The following WWOX variants were observed in gnomAD, a reference collection of about 807,000 sequenced individuals.
WWOX encodes the protein WW domain-containing oxidoreductase.
In WWOX, 69 loss-of-function variants were observed where a neutral mutation model predicts 46.2. The ratio of observed to expected loss-of-function variants is 1.49; its 90% CI spans 1.23 to 1.82. WWOX has a LOEUF of 1.82. Ranked by LOEUF, WWOX falls within the 40% of genes most tolerant of loss-of-function variation. The pLI, the probability that WWOX is intolerant of heterozygous loss-of-function variation, is 0.00. For missense variants in WWOX, 919 were observed against 542.6 expected, an observed-to-expected ratio of 1.69 and a Z score of -6.89; for synonymous variants, 359 against 202.6, an observed-to-expected ratio of 1.77 and a Z score of -6.56.
At chr16:78,241,457 T>G (rs550793724) in intron 5 of WWOX, among the ~76,000 whole-genome samples, 201 of 152,152 alleles carry the variant, frequency 1.3e-3, no homozygotes, top group Non-Finnish European at 1.9e-3. Flanking sequence ...AGAGGGAGTT[T>G]TACTCTTGTC....
intron 8 of WWOX, among the ~76,000 whole-genome samples, chr16:78,943,525 T>C (rs2045892891): frequency 6.6e-6 from 1 of 152,176 alleles, no homozygotes. Flanking sequence ...GTTATCGAGC[T>C]TTATCAGAGC....
intron 8 of WWOX, among the ~76,000 whole-genome samples, chr16:79,122,199 C>T (rs1010071034): frequency 5.3e-5 from 8 of 152,028 alleles, no homozygotes; most frequent in African/African-American, 1.9e-4. Context: ...GAAGTTGTAC[C>T]GCCTCTGGGC....
At chr16:78,732,718 T>C (rs1464998053) in intron 8 of WWOX, among the ~76,000 whole-genome samples, 1 of 152,132 alleles carries the variant, frequency 6.6e-6, no homozygotes, top group Non-Finnish European at 1.5e-5. Context: ...CTCAACTCCC[T>C]TGGTTAATTT....
At chr16:78,653,473 G>T (rs886247282) in intron 8 of WWOX, among the ~76,000 whole-genome samples, 1 of 152,204 alleles carries the variant, frequency 6.6e-6, no homozygotes, top group Admixed American at 6.5e-5. Context: ...TTAGAAATAG[G>T]TATGTGACCC....
intron 8 of WWOX, among the ~76,000 whole-genome samples, chr16:78,763,720 G>A (rs1444597690): frequency 2.0e-5 from 3 of 152,262 alleles, no homozygotes; most frequent in East Asian, 3.9e-4. Flanking sequence ...TGGTATTCAC[G>A]AGTTTTGTCT....
chr16:78,182,826 C>T (rs1470873837), intron 5 of WWOX, among the ~76,000 whole-genome samples: 2 of 151,674 alleles, frequency 1.3e-5, no homozygotes, highest in Non-Finnish European at 2.9e-5. Context: ...TGGCGGGTAC[C>T]TGTAGTGCCA....
intron 5 of WWOX, among the ~76,000 whole-genome samples, chr16:78,253,619 A>G (rs564478646): frequency 1.1e-3 from 173 of 152,336 alleles, no homozygotes; most frequent in African/African-American, 4.1e-3. Context: ...TTCAAACAGT[A>G]TTGGTTTAAT....
intron 8 of WWOX, among the ~76,000 whole-genome samples, chr16:78,546,774 C>G (rs895175620): frequency 2.0e-5 from 3 of 152,126 alleles, no homozygotes; most frequent in African/African-American, 7.2e-5. Context: ...AGATAAGTTA[C>G]TGACGTGTGT....
intron 5 of WWOX, among the ~76,000 whole-genome samples, chr16:78,187,351 C>G (rs1403732457): frequency 1.3e-5 from 2 of 152,224 alleles, no homozygotes; most frequent in African/African-American, 2.4e-5. Flanking sequence ...TGGCTCATGT[C>G]TGTAATCCTA....
intron 8 of WWOX, among the ~76,000 whole-genome samples, chr16:78,761,886 C>A (rs1440387423): frequency 6.6e-6 from 1 of 152,136 alleles, no homozygotes; most frequent in African/African-American, 2.4e-5. Flanking sequence ...TAACTTAGTT[C>A]ATTAGTGCTT....
chr16:78,414,117 C>T (rs991441791), intron 6 of WWOX, among the ~76,000 whole-genome samples: 4 of 151,952 alleles, frequency 2.6e-5, no homozygotes, highest in African/African-American at 7.2e-5. Context: ...GGAGCTCCCC[C>T]ACCGAGCACC....
At chr16:78,116,114 C>T (rs1281052153) in intron 4 of WWOX, among the ~76,000 whole-genome samples, 7 of 152,146 alleles carry the variant, frequency 4.6e-5, no homozygotes, top group Non-Finnish European at 8.8e-5. Context: ...AATGGGGTAT[C>T]CATCCCCTCA....
intron 8 of WWOX, among the ~76,000 whole-genome samples, chr16:79,108,564 G>A (rs1043951547): frequency 3.7e-4 from 56 of 152,178 alleles, no homozygotes; most frequent in African/African-American, 1.3e-3. Flanking sequence ...CATACTTAAG[G>A]GTGATTGGCT....
chr16:78,823,405 G>T (rs866266630), intron 8 of WWOX, among the ~76,000 whole-genome samples: 21 of 152,188 alleles, frequency 1.4e-4, no homozygotes, highest in African/African-American at 3.1e-4. Flanking sequence ...TAAGAGGCAG[G>T]TGCTTCCTAA....
chr16:78,919,643 G>C (rs149193901), intron 8 of WWOX, among the ~76,000 whole-genome samples: 1 of 149,298 alleles, frequency 6.7e-6, no homozygotes, highest in African/African-American at 2.5e-5. Context: ...TCATGCTCCC[G>C]AATAGCTGGG....
At chr16:78,119,207 C>G (rs1457020062) in intron 4 of WWOX, 1 of 152,234 alleles carries the variant, frequency 6.6e-6, no homozygotes, top group African/African-American at 2.4e-5. Context: ...GAGTTAGCAG[C>G]TTGTTGGCTC....
rs1402215066 is a variant in WWOX, at chr16:78,788,889, A to T, written c.1056+356137A>T. Among the ~76,000 whole-genome samples the T allele has an allele frequency of 5.9e-5, 9 of 151,984 alleles. No homozygotes were observed. In the South Asian group the frequency reaches 8.3e-4, roughly 14 times the overall value. On this transcript the variant is annotated intron_variant, in intron 8 of 8. Coordinates refer to ENST00000566780, the MANE Select transcript of WWOX (RefSeq NM_016373.4). The stretch of plus-strand genomic sequence containing the variant: ...GACAGTGTCAGGATTGAATTGGAGG[A>T]CTCCCAGCTGCTGTCCCCTGCTTAG...
At chr16:79,188,130 G>T (rs1332144977) in intron 8 of WWOX, among the ~76,000 whole-genome samples, 1 of 152,112 alleles carries the variant, frequency 6.6e-6, no homozygotes, top group Non-Finnish European at 1.5e-5. Context: ...TCTCCTTCCT[G>T]GAATGTGCCA....
chr16:78,745,406 C>T (rs1040774490), intron 8 of WWOX, among the ~76,000 whole-genome samples: 20 of 152,070 alleles, frequency 1.3e-4, no homozygotes, highest in Non-Finnish European at 2.4e-4. Context: ...TTGCCGGCCT[C>T]TCCCTGTGTC....
Sources: gnomAD v4.1 joint callset for allele counts (sites outside exome capture counted in the v4.1 genomes callset) on GRCh38, gnomAD v4.1.1 for gene constraint, MANE v1.5 for transcripts, NCBI Gene and HGNC (gene_info 2026-07-23, HGNC 2026-07-21) for gene names.